The following ANKRD18A variants were observed in gnomAD, a reference collection of about 807,000 sequenced individuals.
The protein encoded by ANKRD18A is ankyrin repeat domain 18A, also known as ankyrin repeat domain-containing protein 18A.
ANKRD18A carries 72 observed loss-of-function variants against 110.6 expected under a neutral mutation model. The ratio of observed to expected loss-of-function variants is 0.65; its 90% CI spans 0.54 to 0.79. ANKRD18A has a LOEUF of 0.79. ANKRD18A is among the 30% of genes least tolerant of loss of function. The pLI, the probability that ANKRD18A is intolerant of heterozygous loss-of-function variation, is 0.00. For synonymous variants in ANKRD18A, 305 were observed against 410.3 expected (o/e 0.74, Z 3.10); for missense variants, 934 against 1,163.3 (o/e 0.80, Z 2.87).
chr9:38,616,607 CA>C (rs1480389771), intron 1 of ANKRD18A, among the ~76,000 whole-genome samples: 2 of 152,152 alleles, frequency 1.3e-5, no homozygotes, highest in Non-Finnish European at 2.9e-5. Flanking sequence ...AGTGCACCAG[CA>C]TGATCAGCTA....
rs578551 is a variant in ANKRD18A, at chr9:38,615,968, C to T, written c.283G>A (p.Asp95Asn). The T allele has an allele frequency of 3.2e-6, 5 of 1,584,230 alleles. No individual in the cohort carries two copies. In the African/African-American group the frequency reaches 4.0e-5, roughly 13 times the overall value. Reference sequence around the variant, plus strand: ...GTCCTGTTTAGTCTGTCACAGATGTCGATCTGGCATCTTCTGTGCAGCAAG... The same window carrying T: ...GTCCTGTTTAGTCTGTCACAGATGTTGATCTGGCATCTTCTGTGCAGCAAG... ...TLLLHRRCQIDICDRLNRTPL... is the reference protein window; with the variant it reads ...TLLLHRRCQINICDRLNRTPL... The change falls in exon 2 of 16, where the codon GAC (aspartate) becomes AAC (asparagine). Residue 95 changes from aspartate (D) to asparagine (N), a missense_variant. Around this residue, in one of 4 missense-constraint regions of ANKRD18A, gnomAD observed 630 missense variants for 797.5 expected, o/e 0.79. Coordinates refer to ENST00000399703, the MANE Select transcript of ANKRD18A (RefSeq NM_147195.4).
intron 9 of ANKRD18A, among the ~76,000 whole-genome samples, chr9:38,594,595 T>C (rs1004619862): frequency 1.3e-5 from 2 of 152,188 alleles, no homozygotes; most frequent in Non-Finnish European, 2.9e-5. Flanking sequence ...TTATAACAAG[T>C]AGAAGTCTTT....
chr9:38,577,915 A>G lies in ANKRD18A; in HGVS notation c.2481T>C (p.Asp827=). Residue 827 remains aspartate, a synonymous_variant, in exon 13 of 16, where the codon GAT becomes GAC. Transcript: ENST00000399703. ...GKLQEYKSEL[D]ERAVQEIEKL... ...TTTCTATTTCCTGCACTGCCCTTTC[A>G]TCCAGCTCCGATTTATATTCTTGTA... 1.9e-6 allele frequency: 3 copies of G among 1,598,276 alleles called. No homozygotes were observed. The highest frequency in any genetic ancestry group is 2.3e-5 in the South Asian group (2 of 88,856).
rs1437507762 is a variant in ANKRD18A at position 38,573,029 on chromosome 9, T to C, written c.2965-970A>G. The C allele has an allele frequency of 3.6e-6, 4 of 1,097,764 alleles. No homozygotes were observed. In the East Asian group the frequency reaches 1.1e-4, roughly 29 times the overall value. 68.0% of individuals were successfully genotyped at this position (1,097,764 alleles called of 1,614,324 possible). ...ATGAAAAGGAATGCCATTTGCTATT[T>C]ACACTTTATTACTAAAATAAACCTA... On this transcript the variant is annotated intron_variant, in intron 15 of 15. Coordinates refer to ENST00000399703, the MANE Select transcript of ANKRD18A (RefSeq NM_147195.4).
chr9:38,572,957 A>T, intron 15 of ANKRD18A: 1 of 449,996 alleles, frequency 2.2e-6, no homozygotes, highest in Non-Finnish European at 3.7e-6. Context: ...CTTTCATTAG[A>T]TGTGTGTAAG....
chr9:38,606,375 A>G (rs553407491), intron 6 of ANKRD18A, among the ~76,000 whole-genome samples: 1 of 152,060 alleles, frequency 6.6e-6, no homozygotes, highest in African/African-American at 2.4e-5. Context: ...AAAACCAACC[A>G]TTTTCTTCCT....
intron 6 of ANKRD18A, among the ~76,000 whole-genome samples, chr9:38,607,170 C>T (rs1051884591): frequency 4.6e-5 from 7 of 152,156 alleles, no homozygotes; most frequent in African/African-American, 1.4e-4. Flanking sequence ...GATTCTTCTG[C>T]CTCAGCCTCC....
In ANKRD18A at chr9:38,620,505, A is replaced by C; in HGVS notation, c.-220T>G. The stretch of plus-strand genomic sequence containing the variant: ...GTCCACCACAGCCTTCAGCAGCGAC[A>C]CTCGCAGACTCCGACCTCTCAGACC... On this transcript the variant is annotated 5_prime_UTR_variant, in exon 1 of 16. Transcript: ENST00000399703. The C allele has an allele frequency of 7.2e-7, 1 of 1,383,952 alleles. No individual in the cohort carries two copies. The highest frequency in any genetic ancestry group is 9.4e-7 in the Non-Finnish European group (1 of 1,066,102). The allele number at this position is 1,383,952 out of a possible 1,614,324, so 85.7% of individuals were successfully genotyped here.
At chr9:38,597,497 T>C (rs943782520) in intron 8 of ANKRD18A, among the ~76,000 whole-genome samples, 6 of 152,102 alleles carry the variant, frequency 3.9e-5, no homozygotes, top group African/African-American at 1.4e-4. Context: ...TCTAGCCCCA[T>C]ATCTACTTGA....
rs1186085759 is a variant in ANKRD18A at position 38,603,200 on chromosome 9, A to G, written c.821T>C (p.Met274Thr). The change falls in exon 7 of 16, where the codon ATG (methionine) becomes ACG (threonine). Residue 274 changes from methionine (M) to threonine (T), a missense_variant. Around this residue, in one of 4 missense-constraint regions of ANKRD18A, gnomAD observed 630 missense variants for 797.5 expected, o/e 0.79. Transcript: ENST00000399703. Reference protein sequence around the residue: ...LRNDNQETAAMKPANLKKRKE... With the variant: ...LRNDNQETAATKPANLKKRKE... ...TCTTTTTTTCAAATTTGCAGGCTTCATAGCTGCTGTTTCTGTCAAACATGC... is the reference window on the plus strand; with the variant it reads ...TCTTTTTTTCAAATTTGCAGGCTTCGTAGCTGCTGTTTCTGTCAAACATGC... 17 of 1,551,136 alleles carry G rather than the reference A, an allele frequency of 1.1e-5. No individual in the cohort carries two copies. The highest frequency in any genetic ancestry group is 1.5e-5 in the Non-Finnish European group (17 of 1,146,620).
chr9:38,605,205 T>C (rs1289162956), intron 6 of ANKRD18A, among the ~76,000 whole-genome samples: 1 of 152,254 alleles, frequency 6.6e-6, no homozygotes, highest in African/African-American at 2.4e-5. Context: ...CCCAACTGTA[T>C]TTTTTAAATG....
chr9:38,577,292 T>A (rs1243677498), intron 13 of ANKRD18A, 28 bp from the exon 14 acceptor site: 6 of 1,504,278 alleles, frequency 4.0e-6, no homozygotes, highest in Non-Finnish European at 5.3e-6. Flanking sequence ...AATACACTTT[T>A]AAAACAATTA....
At chr9:38,575,396 A>T in intron 15 of ANKRD18A, 80 bp downstream of exon 15, 1 of 1,365,562 alleles carries the variant, frequency 7.3e-7, no homozygotes, top group South Asian at 1.5e-5. Context: ...AAGTCAACAG[A>T]ACTCAGTATT....
At chr9:38,591,543 C>T (rs1249672581) in intron 10 of ANKRD18A, among the ~76,000 whole-genome samples, 4 of 152,098 alleles carry the variant, frequency 2.6e-5, no homozygotes, top group Non-Finnish European at 5.9e-5. Context: ...TAGAAGAGTA[C>T]ATGTACATAG....
Position 38,588,623 on chromosome 9 carries a change from A to G in ANKRD18A, c.2045T>C (p.Leu682Ser), listed in dbSNP as rs114922195. The G allele has an allele frequency of 5.2e-3, 7,308 of 1,397,650 alleles. 49 individuals carry two copies. The highest frequency in any genetic ancestry group is 0.025 in the African/African-American group (1,693 of 66,744). 86.6% of individuals were successfully genotyped at this position (1,397,650 alleles called of 1,614,324 possible). A position where few individuals can be genotyped will look rare whatever the true frequency, so the allele number is the denominator to read the frequency against. Residue 682 changes from leucine (L) to serine (S), a missense_variant, in exon 11 of 16, where the codon TTA (leucine) becomes TCA (serine). By Grantham distance (145) the Leu-to-Ser change is moderately radical (BLOSUM62 -2). This residue lies in a region of ANKRD18A where 2 missense variants were observed against 16.3 expected (regional missense o/e 0.12). Coordinates refer to ENST00000399703, the MANE Select transcript of ANKRD18A (RefSeq NM_147195.4). ...KHEEFRKLFE[L>S]ISLLNYTADQ... ...CGCAGTATAGTTCAGTAATGATATT[A>G]ATTCAAAAAGTTTTCTGAATTCTTC...
intron 3 of ANKRD18A, among the ~76,000 whole-genome samples, chr9:38,613,393 G>A (rs2763811): frequency 0.15 from 21,553 of 144,266 alleles, 1,896 homozygotes; most frequent in South Asian, 0.23. Context: ...TATATTTGCT[G>A]TGAATGTGTT....
chr9:38,603,140 G>A lies in ANKRD18A; in HGVS notation c.862+19C>T, dbSNP rs1369528498. 3.3e-6 allele frequency: 5 copies of A among 1,527,958 alleles called. No homozygotes were observed. The highest frequency in any genetic ancestry group is 5.0e-5 in the East Asian group (2 of 39,684). The allele number at this position is 1,527,958 out of a possible 1,614,324, so 94.7% of individuals were successfully genotyped here. On this transcript the variant is annotated intron_variant, in intron 7 of 15. Coordinates refer to ENST00000399703, the MANE Select transcript of ANKRD18A (RefSeq NM_147195.4). ...CAGTCTCTTTACATGGTTAGGAGTA[G>A]AGAACTCAAGTGTCTTACCTTTTGC... is the stretch of plus-strand genomic sequence containing the variant.
chr9:38,568,550 C>T, downstream of ANKRD18A: 1 of 226,122 alleles, frequency 4.4e-6, no homozygotes, highest in Non-Finnish European at 7.4e-6. Context: ...GCCCCTCAGG[C>T]TGTGGGAACC....
At chr9:38,597,280 C>A (rs1824927017) in intron 8 of ANKRD18A, among the ~76,000 whole-genome samples, 2 of 152,164 alleles carry the variant, frequency 1.3e-5, no homozygotes, top group South Asian at 4.1e-4. Context: ...ACTGCCTTTT[C>A]TCCTTATTTT....
Sources: allele counts gnomAD v4.1 joint callset (sites outside exome capture counted in the v4.1 genomes callset), GRCh38; gene constraint gnomAD v4.1.1; regional missense constraint gnomAD v4.1.1; transcripts MANE v1.5; gene names NCBI Gene and HGNC (gene_info 2026-07-23, HGNC 2026-07-21).